THRB: variants seen among roughly 807,000 people sequenced by gnomAD.
THRB encodes nuclear receptor subfamily 1 group A member 2.
In THRB, 12 loss-of-function variants were observed where a neutral mutation model predicts 47.8. That is an observed-to-expected ratio of 0.25 (90% CI 0.16 to 0.41). The LOEUF is 0.41. THRB is among the 10% of genes least tolerant of loss of function. The probability of loss-of-function intolerance (pLI) is 1.00; values close to 1 mark genes in which losing one functional copy is unlikely to be tolerated. For missense variants in THRB, 348 were observed against 589.2 expected, an observed-to-expected ratio of 0.59 and a Z score of 4.24; for synonymous variants, 218 against 212.2, an observed-to-expected ratio of 1.03 and a Z score of -0.24.
At chr3:24,254,545 A>C (rs1295261553) in intron 3 of THRB, among the ~76,000 whole-genome samples, 1 of 152,240 alleles carries the variant, frequency 6.6e-6, no homozygotes, top group Non-Finnish European at 1.5e-5. Context: ...TGCATCTTCC[A>C]AGGTAATCAT....
At chr3:24,288,949 C>T (rs189445068) in intron 3 of THRB, among the ~76,000 whole-genome samples, 1 of 152,330 alleles carries the variant, frequency 6.6e-6, no homozygotes, top group African/African-American at 2.4e-5. Context: ...TGGAAAGCCA[C>T]TGCACCAAAG....
intron 1 of THRB, among the ~76,000 whole-genome samples, chr3:24,478,820 G>T (rs945906651): frequency 6.6e-6 from 1 of 152,184 alleles, no homozygotes; most frequent in African/African-American, 2.4e-5. Context: ...AAAAGCTTAG[G>T]GGGTGGGGAG....
chr3:24,267,791 G>A (rs946409865), intron 3 of THRB, among the ~76,000 whole-genome samples: 7 of 152,172 alleles, frequency 4.6e-5, no homozygotes, highest in Non-Finnish European at 8.8e-5. Flanking sequence ...ACTTGCCCAC[G>A]CTGCTTTTGG....
chr3:24,271,247 A>T (rs2053293264), intron 3 of THRB, among the ~76,000 whole-genome samples: 1 of 152,206 alleles, frequency 6.6e-6, no homozygotes, highest in Non-Finnish European at 1.5e-5. Context: ...TTTATTCCTG[A>T]AACTGTATGC....
In THRB at chr3:24,417,760, G is replaced by A. The variant is rs183201928; in HGVS notation, c.-261+76892C>T. 2.0e-5 allele frequency among the ~76,000 whole-genome samples: 3 copies of A among 152,006 alleles called. No individual in the cohort carries two copies. The East Asian group carries it at 5.9e-4, about 30-fold the overall frequency. ...CCACAAATGTCATTGAGAGCTTGTC[G>A]CATGCCAGCACTTTATATTTGTTTT... On this transcript the variant is annotated intron_variant, in intron 1 of 10. Coordinates refer to ENST00000646209, the MANE Select transcript of THRB (RefSeq NM_001354712.2).
chr3:24,445,080 C>G (rs530962069), intron 1 of THRB, among the ~76,000 whole-genome samples: 2 of 151,848 alleles, frequency 1.3e-5, no homozygotes, highest in Admixed American at 1.3e-4. Context: ...TAGATGGTTA[C>G]AGAAATAGAG....
intron 5 of THRB, among the ~76,000 whole-genome samples, chr3:24,170,536 C>A (rs1307988115): frequency 6.6e-6 from 1 of 152,178 alleles, no homozygotes; most frequent in Non-Finnish European, 1.5e-5. Context: ...GGTCCTTCCC[C>A]ACTACTTATC....
chr3:24,181,370 G>C (rs2149469872), intron 5 of THRB, among the ~76,000 whole-genome samples: 1 of 152,278 alleles, frequency 6.6e-6, no homozygotes, highest in East Asian at 1.9e-4. Flanking sequence ...TTTAGCCAAG[G>C]TTAAATAGCT....
At chr3:24,319,850 G>A (rs1310497314) in intron 2 of THRB, among the ~76,000 whole-genome samples, 1 of 152,154 alleles carries the variant, frequency 6.6e-6, no homozygotes, top group African/African-American at 2.4e-5. Flanking sequence ...GATCAGCACC[G>A]AATAAAAGCT....
At chr3:24,432,937 T>C (rs2125302027) in intron 1 of THRB, among the ~76,000 whole-genome samples, 1 of 152,186 alleles carries the variant, frequency 6.6e-6, no homozygotes, top group East Asian at 1.9e-4. Context: ...CCTATAATGG[T>C]TTATATTTTA....
At chr3:24,390,553 A>G (rs2149966530) in intron 1 of THRB, among the ~76,000 whole-genome samples, 1 of 152,152 alleles carries the variant, frequency 6.6e-6, no homozygotes, top group Non-Finnish European at 1.5e-5. Context: ...GCATTTCTGT[A>G]ACACTTTCCA....
intron 1 of THRB, among the ~76,000 whole-genome samples, chr3:24,340,486 C>CTT (rs138578441): frequency 2.1e-5 from 3 of 144,210 alleles, no homozygotes; most frequent in African/African-American, 5.1e-5. Context: ...TATTAGTGGC[C>CTT]TTTTTTTTTT....
At chr3:24,353,240 AC>A (rs1343195477) in intron 1 of THRB, among the ~76,000 whole-genome samples, 1 of 152,066 alleles carries the variant, frequency 6.6e-6, no homozygotes, top group Non-Finnish European at 1.5e-5. Flanking sequence ...ATAGTTTAAA[AC>A]TGTAGTCCAT....
chr3:24,165,041 T>C, intron 5 of THRB: 3 of 753,426 alleles, frequency 4.0e-6, no homozygotes, highest in Middle Eastern at 2.3e-4. Flanking sequence ...TTTTTGAGAA[T>C]ACGATGGCGA....
chr3:24,281,225 T>C (rs2054559960), intron 3 of THRB, among the ~76,000 whole-genome samples: 1 of 152,042 alleles, frequency 6.6e-6, no homozygotes, highest in Non-Finnish European at 1.5e-5. Context: ...CCCATCAGAC[T>C]AACAGCAGAT....
At position 24,423,523 on chromosome 3, in the gene THRB, G is replaced by T. The variant is rs62255433; in HGVS notation, c.-261+71129C>A. ...ACAATGCAAATTTGAAACACAACTTGTTCAGAAGGTGGCAACTTATTCAAT... is the reference window on the plus strand; with the variant it reads ...ACAATGCAAATTTGAAACACAACTTTTTCAGAAGGTGGCAACTTATTCAAT... On this transcript the variant is annotated intron_variant, in intron 1 of 10. Transcript: ENST00000646209. Among the ~76,000 whole-genome samples the T allele has an allele frequency of 1.9e-3, 281 of 151,734 alleles. 3 individuals are homozygous for T. Among genetic ancestry groups the T allele is most frequent in the South Asian group, 0.011 (51 of 4,812 alleles).
At chr3:24,356,242 T>C (rs955694883) in intron 1 of THRB, among the ~76,000 whole-genome samples, 1 of 152,098 alleles carries the variant, frequency 6.6e-6, no homozygotes, top group East Asian at 1.9e-4. Context: ...TCTGGTCCAC[T>C]GGTGTGGTGG....
intron 1 of THRB, among the ~76,000 whole-genome samples, chr3:24,389,467 G>A (rs189433604): frequency 6.6e-6 from 1 of 152,154 alleles, no homozygotes; most frequent in African/African-American, 2.4e-5. Flanking sequence ...TTATAGCAAC[G>A]CTTTAAGAAA....
chr3:24,156,267 TC>T (rs1489579565), intron 5 of THRB, among the ~76,000 whole-genome samples: 2 of 152,248 alleles, frequency 1.3e-5, no homozygotes, highest in Non-Finnish European at 2.9e-5. Flanking sequence ...TTCAATGCTT[TC>T]TTCCCTATGG....
Sources: allele counts gnomAD v4.1 joint callset (sites outside exome capture counted in the v4.1 genomes callset), GRCh38; gene constraint gnomAD v4.1.1; transcripts MANE v1.5; gene names NCBI Gene and HGNC (gene_info 2026-07-23, HGNC 2026-07-21).